MAK: variants seen among roughly 807,000 people sequenced by gnomAD.
MAK encodes the protein serine/threonine-protein kinase MAK.
A neutral mutation model predicts 82.6 loss-of-function variants in MAK; 65 were observed. The observed-to-expected ratio is 0.79, with a 90% CI of 0.64 to 0.97. The LOEUF is 0.97. Ranked by LOEUF, MAK falls within the 50% of genes least tolerant of loss-of-function variation. MAK has a pLI of 0.00. For synonymous variants in MAK, 250 were observed against 274.2 expected (o/e 0.91, Z 0.87); for missense variants, 703 against 780.2 (o/e 0.90, Z 1.18).
chr6:10,795,649 C>T lies in MAK; in HGVS notation c.1143+349G>A, dbSNP rs1561961955. Among the ~76,000 whole-genome samples, 3 of 152,198 alleles carry T rather than the reference C, an allele frequency of 2.0e-5. No individual in the cohort carries two copies. The East Asian group carries it at 5.8e-4, about 29-fold the overall frequency. ...ATCCCAGCTACTTGGGAGGCTGAGG[C>T]AGGAGAATCGCTTGAACCCAGGAGT... is the stretch of plus-strand genomic sequence containing the variant. On this transcript the variant is annotated intron_variant, in intron 9 of 14. Coordinates refer to ENST00000354489, the MANE Select transcript of MAK (RefSeq NM_001242957.3).
At chr6:10,769,698 T>G (rs1164751690) in intron 14 of MAK, among the ~76,000 whole-genome samples, 1 of 152,204 alleles carries the variant, frequency 6.6e-6, no homozygotes, top group Non-Finnish European at 1.5e-5. Context: ...CATCTCTCTG[T>G]GCAGCACAGC....
chr6:10,816,193 T>G (rs1777492073), intron 4 of MAK, among the ~76,000 whole-genome samples: 1 of 151,728 alleles, frequency 6.6e-6, no homozygotes, highest in South Asian at 2.1e-4. Context: ...CACCTCAGCC[T>G]CCAAGTAGCT....
intron 1 of MAK, among the ~76,000 whole-genome samples, chr6:10,832,419 AGTCT>A (rs1778876718): frequency 6.6e-6 from 1 of 152,250 alleles, no homozygotes; most frequent in Non-Finnish European, 1.5e-5. Flanking sequence ...TTTTATGAAA[AGTCT>A]GTCAATGTAG....
intron 5 of MAK, among the ~76,000 whole-genome samples, chr6:10,810,345 C>CTTTTTTTTTTTTTT (rs111859354): frequency 1.5e-4 from 18 of 121,678 alleles, no homozygotes; most frequent in South Asian, 5.3e-4. Context: ...TTATCTTTTT[C>CTTTTTTTTTTTTTT]TTTTTTTTTT....
chr6:10,769,712 C>G (rs1184825357), intron 14 of MAK, among the ~76,000 whole-genome samples: 2 of 152,222 alleles, frequency 1.3e-5, no homozygotes, highest in East Asian at 1.9e-4. Context: ...GCACAGCACA[C>G]TCTTTGGAAG....
chr6:10,837,489 G>A, intron 1 of MAK, among the ~76,000 whole-genome samples: 1 of 152,212 alleles, frequency 6.6e-6, no homozygotes, highest in South Asian at 2.1e-4. Flanking sequence ...GTCAAGCCTC[G>A]GGAATTGAAG....
At chr6:10,816,380 T>C (rs962184997) in intron 4 of MAK, among the ~76,000 whole-genome samples, 17 of 152,112 alleles carry the variant, frequency 1.1e-4, no homozygotes, top group African/African-American at 4.1e-4. Flanking sequence ...CAGATTTATA[T>C]ATATTTCAAA....
intron 4 of MAK, among the ~76,000 whole-genome samples, chr6:10,815,912 G>GTGTATGTATATATA (rs1554184483): frequency 9.2e-6 from 1 of 108,320 alleles, no homozygotes; most frequent in African/African-American, 4.6e-5. Flanking sequence ...GCTTTATACA[G>GTGTATGTATATATA]TATATATATA....
intron 6 of MAK, among the ~76,000 whole-genome samples, chr6:10,808,067 C>CA (rs796923196): frequency 0.021 from 3,057 of 147,442 alleles, 103 homozygotes; most frequent in African/African-American, 0.07. Context: ...AACTCCATCT[C>CA]AAAAAAAAAA....
chr6:10,818,941 CTAAAA>C lies in MAK; in HGVS notation c.102-6_102-2del. ...CCAAGAATAGAACTTTCTCTTCATC[CTAAAA>C]TAAATTAGGGAAAGTTTAGTGTTCA... On this transcript the variant is annotated splice_acceptor_variant and splice_polypyrimidine_tract_variant and intron_variant, in intron 2 of 14. Transcript: ENST00000354489. LOFTEE classifies it high-confidence loss of function. 1 of 1,552,170 alleles carries C rather than the reference CTAAAA, an allele frequency of 6.4e-7. No homozygotes were observed. Among genetic ancestry groups the C allele is most frequent in the South Asian group, 1.1e-5 (1 of 89,042 alleles).
At chr6:10,799,741 G>A (rs1287868760) in intron 8 of MAK, among the ~76,000 whole-genome samples, 1 of 152,184 alleles carries the variant, frequency 6.6e-6, no homozygotes, top group African/African-American at 2.4e-5. Flanking sequence ...CAGCAGCCTG[G>A]CCAACATGGT....
intron 14 of MAK, among the ~76,000 whole-genome samples, chr6:10,765,471 T>TA (rs1772334708): frequency 8.7e-6 from 1 of 115,070 alleles, no homozygotes; most frequent in African/African-American, 3.4e-5. Flanking sequence ...TTTTTTTTTT[T>TA]TTAATGAGGC....
chr6:10,831,026 T>C, intron 1 of MAK, 149 bp from the exon 2 acceptor site: 1 of 315,696 alleles, frequency 3.2e-6, no homozygotes, highest in Non-Finnish European at 6.1e-6. Context: ...CTATGTAAAA[T>C]GAAGTTCACA....
chr6:10,815,945 T>TATATATATATATATATATAAATAA (rs1171616235), intron 4 of MAK, among the ~76,000 whole-genome samples: 2 of 116,826 alleles, frequency 1.7e-5, no homozygotes, highest in African/African-American at 7.5e-5. Flanking sequence ...TATATATATA[T>TATATATATATATATATATAAATAA]ATGTATGTTT....
intron 6 of MAK, among the ~76,000 whole-genome samples, chr6:10,807,915 A>T (rs900699048): frequency 6.6e-5 from 10 of 152,028 alleles, no homozygotes; most frequent in African/African-American, 1.9e-4. Context: ...TAAAAATACA[A>T]AAATTAGCTG....
chr6:10,815,618 A>T (rs1777404438), intron 4 of MAK, among the ~76,000 whole-genome samples: 1 of 152,086 alleles, frequency 6.6e-6, no homozygotes, highest in African/African-American at 2.4e-5. Flanking sequence ...GTGAAAGAGC[A>T]AGACCCTGTC....
chr6:10,830,837 G>A lies in MAK; in HGVS notation c.-189C>T, dbSNP rs1778762632. 1 of 628,482 alleles carries A rather than the reference G, an allele frequency of 1.6e-6. No homozygotes were observed. Among genetic ancestry groups the A allele is most frequent in the Non-Finnish European group, 2.9e-6 (1 of 343,904 alleles). 38.9% of individuals were successfully genotyped at this position (628,482 alleles called of 1,614,324 possible). ...GAGGTTCATGAGATATAGCATGAAGGAATCGGGCAAGGAAACAACACTTCC... is the reference window on the plus strand; with the variant it reads ...GAGGTTCATGAGATATAGCATGAAGAAATCGGGCAAGGAAACAACACTTCC... On this transcript the variant is annotated 5_prime_UTR_variant, in exon 2 of 15. Transcript: ENST00000354489.
At chr6:10,788,427 G>T (rs986943995) in intron 10 of MAK, among the ~76,000 whole-genome samples, 5 of 151,940 alleles carry the variant, frequency 3.3e-5, no homozygotes, top group Non-Finnish European at 7.4e-5. Flanking sequence ...GAATGACATG[G>T]GTTTTAAAAA....
At chr6:10,787,682 C>A (rs1207875250) in intron 10 of MAK, among the ~76,000 whole-genome samples, 1 of 151,830 alleles carries the variant, frequency 6.6e-6, no homozygotes, top group Non-Finnish European at 1.5e-5. Context: ...CATGGTGAAA[C>A]CCTGTCTCTA....
Sources: gnomAD v4.1 joint callset for allele counts (sites outside exome capture counted in the v4.1 genomes callset) on GRCh38, gnomAD v4.1.1 for gene constraint, MANE v1.5 for transcripts, NCBI Gene and HGNC (gene_info 2026-07-23, HGNC 2026-07-21) for gene names.